Variants in TMEM145 observed in about 807,000 individuals in gnomAD.
TMEM145 encodes the protein transmembrane protein 145.
A neutral mutation model predicts 68.5 loss-of-function variants in TMEM145; 46 were observed. The ratio of observed to expected loss-of-function variants is 0.67; its 90% CI spans 0.53 to 0.86. The LOEUF is 0.86. TMEM145 is among the 40% of genes least tolerant of loss of function. The pLI is 0.00. For missense variants in TMEM145, 570 were observed against 645.8 expected, an observed-to-expected ratio of 0.88 and a Z score of 1.27; for synonymous variants, 255 against 280.2, an observed-to-expected ratio of 0.91 and a Z score of 0.90.
chr19:42,315,807 G>A lies in TMEM145; in HGVS notation c.646+367G>A, dbSNP rs534082619. 1.7e-4 allele frequency among the ~76,000 whole-genome samples: 26 copies of A among 152,228 alleles called. No individual in the cohort carries two copies. In the South Asian group the frequency reaches 2.1e-3, roughly 12 times the overall value. ...AGCACTTGGGGAGGCCAAGGTGGGCGGATCACGAGGCCAGGAGTTCAAGAC... is the reference window on the plus strand; with the variant it reads ...AGCACTTGGGGAGGCCAAGGTGGGCAGATCACGAGGCCAGGAGTTCAAGAC... On this transcript the variant is annotated intron_variant, in intron 8 of 14. Transcript: ENST00000301204.
chr19:42,317,597 T>A, intron 11 of TMEM145, 112 bp from the exon 12 acceptor site: 1 of 960,064 alleles, frequency 1.0e-6, no homozygotes, highest in Non-Finnish European at 1.6e-6. Context: ...GCTCTCCTGT[T>A]GCTTGTGTTC....
Position 42,313,577 on chromosome 19 carries a change from C to A in TMEM145, c.120+81C>A. 9.3e-7 allele frequency: 1 copy of A among 1,070,028 alleles called. No individual in the cohort carries two copies. The highest frequency in any genetic ancestry group is 1.2e-6 in the Non-Finnish European group (1 of 834,994). The allele number at this position is 1,070,028 out of a possible 1,614,324, so 66.3% of individuals were successfully genotyped here. ...GGCGAGGGGAGCGGGTACCGCCTCG[C>A]CCCCTGCCGCCCCTCCTGGCGGACT... On this transcript the variant is annotated intron_variant, in intron 1 of 14. Transcript: ENST00000301204. The surrounding 1 kb of genome is among the most constrained non-coding windows in gnomAD (Gnocchi z 5.1).
chr19:42,316,589 G>T (rs1361398744), intron 9 of TMEM145, 28 bp downstream of exon 9: 1 of 1,613,906 alleles, frequency 6.2e-7, no homozygotes, highest in Admixed American at 1.7e-5. Flanking sequence ...TGGGGAGAGG[G>T]TGGAGCCCAG....
intron 12 of TMEM145, among the ~76,000 whole-genome samples, chr19:42,319,097 A>C (rs534470501): frequency 2.6e-5 from 4 of 152,284 alleles, no homozygotes; most frequent in South Asian, 4.2e-4. Context: ...AACAAACAAA[A>C]AACAACAACA....
chr19:42,324,184 T>G, intron 14 of TMEM145: 1 of 915,160 alleles, frequency 1.1e-6, no homozygotes, highest in Non-Finnish European at 1.3e-6. Flanking sequence ...ACACCTGGGG[T>G]GGAAGGGTTC....
rs920027172 is a variant in TMEM145 at position 42,313,313 on chromosome 19, G to T, written c.-64G>T. On this transcript the variant is annotated 5_prime_UTR_variant, in exon 1 of 15. Coordinates refer to ENST00000301204, the MANE Select transcript of TMEM145 (RefSeq NM_173633.3). The surrounding 1 kb of genome is among the most constrained non-coding windows in gnomAD (Gnocchi z 5.1). ...GGGGCGCGCGCTGGCCAGCCCGCGC[G>T]CTCTCGCCTCCATTGCCGGGCCAGT... 1 of 582,008 alleles carries T rather than the reference G, an allele frequency of 1.7e-6. No homozygotes were observed. The allele number at this position is 582,008 out of a possible 1,614,324, so 36.1% of individuals were successfully genotyped here.
intron 2 of TMEM145, 39 bp from the exon 3 acceptor site, chr19:42,314,412 C>CA (rs1386752972): frequency 5.6e-6 from 9 of 1,613,886 alleles, no homozygotes; most frequent in Non-Finnish European, 7.6e-6. Flanking sequence ...AAGGCACAGG[C>CA]TGCCCCAGCT....
At chr19:42,324,024 C>T (rs1034972004) in intron 14 of TMEM145, among the ~76,000 whole-genome samples, 7 of 151,952 alleles carry the variant, frequency 4.6e-5, no homozygotes, top group Admixed American at 3.9e-4. Flanking sequence ...CTGCGCCGTG[C>T]CCCCACCGCC....
intron 12 of TMEM145, among the ~76,000 whole-genome samples, chr19:42,319,965 G>A (rs1422799220): frequency 6.6e-6 from 1 of 151,856 alleles, no homozygotes; most frequent in Non-Finnish European, 1.5e-5. Context: ...CACCATGTTG[G>A]TCAGGCTGGT....
At chr19:42,316,835 C>A in intron 10 of TMEM145, 35 bp from the exon 11 acceptor site, 2 of 1,611,846 alleles carry the variant, frequency 1.2e-6, no homozygotes, top group Non-Finnish European at 1.7e-6. Context: ...CTGACGGCCC[C>A]CACCCTGCTG....
chr19:42,314,363 A>G lies in TMEM145; in HGVS notation c.195+17A>G. On this transcript the variant is annotated intron_variant, in intron 2 of 14. Coordinates refer to ENST00000301204, the MANE Select transcript of TMEM145 (RefSeq NM_173633.3). ...TACCCTGAGGTGAGTCTCCCCCAAC[A>G]CTCGCCATGCTGAGGCTGGGTACTT... 1.2e-6 allele frequency: 2 copies of G among 1,613,854 alleles called. No homozygotes were observed. The highest frequency in any genetic ancestry group is 1.7e-4 in the Middle Eastern group (1 of 6,060).
At chr19:42,324,182 G>T (rs949290731) in intron 14 of TMEM145, 23 of 898,452 alleles carry the variant, frequency 2.6e-5, no homozygotes, top group Non-Finnish European at 3.1e-5. Flanking sequence ...CCACACCTGG[G>T]GTGGAAGGGT....
intron 13 of TMEM145, chr19:42,321,183 C>T (rs377543021): frequency 2.0e-5 from 8 of 398,384 alleles, no homozygotes; most frequent in East Asian, 1.1e-4. Flanking sequence ...CAGGGTGAAG[C>T]TTTTGGGCTC....
At chr19:42,317,404 C>T (rs1454275075) in intron 11 of TMEM145, among the ~76,000 whole-genome samples, 2 of 152,184 alleles carry the variant, frequency 1.3e-5, no homozygotes, top group Non-Finnish European at 2.9e-5. Flanking sequence ...CCCTCTTAGC[C>T]TTAGTTTCCT....
In TMEM145 at chr19:42,315,187, G is replaced by C; in HGVS notation, c.506-1G>C. On this transcript the variant is annotated splice_acceptor_variant, in intron 6 of 14. Coordinates refer to ENST00000301204, the MANE Select transcript of TMEM145 (RefSeq NM_173633.3). LOFTEE classifies it high-confidence loss of function. ...CCTTACTCCTCCTACCAAATCGGCA[G>C]GGATCCTGGAGACAGATGTGACCTT... 1 of 1,611,218 alleles carries C rather than the reference G, an allele frequency of 6.2e-7. No individual in the cohort carries two copies.
At chr19:42,315,489 G>T in intron 8 of TMEM145, 49 bp downstream of exon 8, 2 of 1,597,954 alleles carry the variant, frequency 1.3e-6, no homozygotes, top group Non-Finnish European at 8.6e-7. Flanking sequence ...AAGGCACTTG[G>T]GGCCAGACAC....
At chr19:42,324,533 C>A in intron 14 of TMEM145, 1 of 985,312 alleles carries the variant, frequency 1.0e-6, no homozygotes, top group Non-Finnish European at 1.2e-6. Context: ...CTGAGCACCC[C>A]TGCCCGCCCC....
Position 42,314,297 on chromosome 19 carries a change from G to C in TMEM145, c.146G>C (p.Cys49Ser). The change falls in exon 2 of 15, where the codon TGT becomes TCT. Residue 49 changes from cysteine to serine, a missense_variant. Transcript: ENST00000301204. ...GACTGGGTGTTCCTGACAAGATTTT[G>C]TTTCCTCTCGGATTACGGCCGACTG... ...KEDWVFLTRFCFLSDYGRLDF... is the reference protein window; with the variant it reads ...KEDWVFLTRFSFLSDYGRLDF... 1 of 1,614,038 alleles carries C rather than the reference G, an allele frequency of 6.2e-7. No homozygotes were observed. Among genetic ancestry groups the C allele is most frequent in the Non-Finnish European group, 8.5e-7 (1 of 1,180,002 alleles).
intron 8 of TMEM145, among the ~76,000 whole-genome samples, chr19:42,316,212 G>A (rs2038855383): frequency 6.8e-6 from 1 of 146,210 alleles, no homozygotes; most frequent in Non-Finnish European, 1.5e-5. Context: ...AGGGGGTGGG[G>A]GCCTGGACCC....
Sources: allele counts gnomAD v4.1 joint callset (sites outside exome capture counted in the v4.1 genomes callset), GRCh38; gene constraint gnomAD v4.1.1; non-coding constraint Gnocchi (gnomAD v3.1); transcripts MANE v1.5; gene names NCBI Gene and HGNC (gene_info 2026-07-23, HGNC 2026-07-21).